MACROD2: variants seen among roughly 807,000 people sequenced by gnomAD.
MACROD2 encodes ADP-ribose glycohydrolase MACROD2.
MACROD2 carries 36 observed loss-of-function variants against 70.4 expected under a neutral mutation model. The observed-to-expected ratio is 0.51, with a 90% CI of 0.39 to 0.68. MACROD2 has a LOEUF of 0.68. Among genes scored for constraint, MACROD2 ranks in the 30% least tolerant of loss-of-function variants. The pLI is 0.00. For missense variants in MACROD2, 496 were observed against 538.4 expected (o/e 0.92, Z 0.78); for synonymous variants, 172 against 178.8 (o/e 0.96, Z 0.30).
chr20:15,492,396 C>T (rs377285007), intron 7 of MACROD2, among the ~76,000 whole-genome samples: 4 of 152,122 alleles, frequency 2.6e-5, no homozygotes, highest in East Asian at 3.9e-4. Context: ...GTAGGGTGTG[C>T]GTGTGTGTGT....
intron 5 of MACROD2, among the ~76,000 whole-genome samples, chr20:15,071,949 C>G (rs76376380): frequency 0.03 from 4,610 of 152,040 alleles, 258 homozygotes; most frequent in African/African-American, 0.11. Flanking sequence ...TAGCAGTTGC[C>G]TTTTCTACTG....
chr20:14,288,688 A>G (rs1477114452), intron 3 of MACROD2, among the ~76,000 whole-genome samples: 2 of 151,870 alleles, frequency 1.3e-5, no homozygotes, highest in Admixed American at 6.6e-5. Flanking sequence ...AGAGCCCTTC[A>G]TTTCCATTTT....
At chr20:14,166,303 T>G (rs2055268628) in intron 3 of MACROD2, among the ~76,000 whole-genome samples, 1 of 151,998 alleles carries the variant, frequency 6.6e-6, no homozygotes, top group Non-Finnish European at 1.5e-5. Flanking sequence ...ATTCTTTACT[T>G]TCCTTTTAGA....
At chr20:15,094,303 C>A (rs942498271) in intron 5 of MACROD2, among the ~76,000 whole-genome samples, 16 of 152,198 alleles carry the variant, frequency 1.1e-4, no homozygotes, top group Middle Eastern at 6.8e-3. Flanking sequence ...AAAAAATCTT[C>A]ACATGCTATT....
At chr20:15,092,181 A>G (rs2075797489) in intron 5 of MACROD2, among the ~76,000 whole-genome samples, 1 of 152,106 alleles carries the variant, frequency 6.6e-6, no homozygotes, top group Admixed American at 6.6e-5. Flanking sequence ...GGCCATTTAA[A>G]TAGGTTTGTA....
intron 8 of MACROD2, among the ~76,000 whole-genome samples, chr20:15,664,921 A>G (rs912569956): frequency 2.0e-5 from 3 of 152,216 alleles, no homozygotes; most frequent in African/African-American, 7.2e-5. Flanking sequence ...AAAGTGGTGA[A>G]TAATTGCTGG....
chr20:14,600,327 C>CAT (rs769273379), intron 4 of MACROD2, among the ~76,000 whole-genome samples: 5,479 of 128,720 alleles, frequency 0.043, 429 homozygotes, highest in African/African-American at 0.11. Flanking sequence ...TATGCAGCTA[C>CAT]ATATATATAT....
intron 4 of MACROD2, among the ~76,000 whole-genome samples, chr20:14,645,184 G>A (rs866101347): frequency 1.3e-5 from 2 of 151,876 alleles, no homozygotes; most frequent in African/African-American, 4.8e-5. Flanking sequence ...CTTTGAAAAA[G>A]TATATTATCT....
chr20:15,288,819 A>C (rs754624752), intron 6 of MACROD2, among the ~76,000 whole-genome samples: 1 of 152,014 alleles, frequency 6.6e-6, no homozygotes, highest in Non-Finnish European at 1.5e-5. Flanking sequence ...AAGTGGGACA[A>C]TTCCTCTTAT....
chr20:15,696,741 G>T (rs2050381626), intron 8 of MACROD2, among the ~76,000 whole-genome samples: 1 of 139,898 alleles, frequency 7.1e-6, no homozygotes, highest in South Asian at 2.2e-4. Context: ...CTTGTTATTG[G>T]TCTATTCAGG....
chr20:15,013,771 G>A (rs536123095), intron 5 of MACROD2, among the ~76,000 whole-genome samples: 13 of 152,208 alleles, frequency 8.5e-5, no homozygotes, highest in African/African-American at 2.9e-4. Flanking sequence ...GCTCCTGCAG[G>A]TTAACCTACC....
At chr20:15,097,245 C>T (rs2075840658) in intron 5 of MACROD2, among the ~76,000 whole-genome samples, 1 of 152,148 alleles carries the variant, frequency 6.6e-6, no homozygotes, top group African/African-American at 2.4e-5. Flanking sequence ...TTGGCCTTGG[C>T]ATTGCCCAAA....
At chr20:14,761,351 A>G (rs1045896370) in intron 5 of MACROD2, among the ~76,000 whole-genome samples, 2 of 152,084 alleles carry the variant, frequency 1.3e-5, no homozygotes, top group African/African-American at 4.8e-5. Flanking sequence ...AAACATTGCC[A>G]TTGCTGTACA....
chr20:14,124,984 A>T (rs2054630546), intron 3 of MACROD2, among the ~76,000 whole-genome samples: 1 of 152,178 alleles, frequency 6.6e-6, no homozygotes, highest in Admixed American at 6.5e-5. Flanking sequence ...AAGGGAATGA[A>T]ATACTAAGAT....
intron 5 of MACROD2, among the ~76,000 whole-genome samples, chr20:14,832,122 A>G (rs902134010): frequency 7.1e-6 from 1 of 140,136 alleles, no homozygotes; most frequent in African/African-American, 2.7e-5. Flanking sequence ...GGCTCACTGC[A>G]AGCTCTGCCT....
intron 10 of MACROD2, among the ~76,000 whole-genome samples, chr20:15,917,745 T>C (rs2065340393): frequency 6.6e-6 from 1 of 152,162 alleles, no homozygotes; most frequent in Non-Finnish European, 1.5e-5. Flanking sequence ...TACGTTTTAT[T>C]TTTACCAGGG....
intron 8 of MACROD2, among the ~76,000 whole-genome samples, chr20:15,618,421 C>T (rs1304257076): frequency 6.6e-6 from 1 of 152,042 alleles, no homozygotes; most frequent in Non-Finnish European, 1.5e-5. Flanking sequence ...TCCACTTCCC[C>T]CTCTCATATT....
chr20:14,652,007 T>C (rs1408483126), intron 4 of MACROD2, among the ~76,000 whole-genome samples: 1 of 152,084 alleles, frequency 6.6e-6, no homozygotes, highest in Non-Finnish European at 1.5e-5. Context: ...TGCTAAACAG[T>C]TGTAGTTTGA....
chr20:15,702,227 T>A (rs1375833349), intron 8 of MACROD2, among the ~76,000 whole-genome samples: 2 of 152,256 alleles, frequency 1.3e-5, no homozygotes, highest in Non-Finnish European at 2.9e-5. Context: ...TTAAGTTCTT[T>A]GAGAAATCTC....
Sources: allele counts gnomAD v4.1 joint callset (sites outside exome capture counted in the v4.1 genomes callset), GRCh38; gene constraint gnomAD v4.1.1; transcripts MANE v1.5; gene names NCBI Gene and HGNC (gene_info 2026-07-23, HGNC 2026-07-21).